The following ETS1 variants were observed in gnomAD, a reference collection of about 807,000 sequenced individuals.
ETS1 encodes the protein ETS proto-oncogene 1, transcription factor, also known as protein C-ets-1.
In ETS1, 15 loss-of-function variants were observed where a neutral mutation model predicts 58.6. That is an observed-to-expected ratio of 0.26 (90% confidence interval 0.17 to 0.39). The LOEUF (loss-of-function observed/expected upper bound fraction) is 0.39. Among genes scored for constraint, ETS1 ranks in the 10% least tolerant of loss-of-function variants. ETS1 has a pLI of 1.00. For synonymous variants in ETS1, 214 were observed against 218.2 expected (o/e 0.98, Z 0.17); for missense variants, 417 against 610.5 (o/e 0.68, Z 3.34).
At chr11:128,513,294 A>T (rs1314390261) in intron 3 of ETS1, among the ~76,000 whole-genome samples, 1 of 152,234 alleles carries the variant, frequency 6.6e-6, no homozygotes, top group Non-Finnish European at 1.5e-5. Context: ...ACCTAAAGTC[A>T]TAAGATGTCA....
intron 5 of ETS1, among the ~76,000 whole-genome samples, chr11:128,487,098 G>A (rs143433527): frequency 3.2e-4 from 48 of 152,242 alleles, no homozygotes; most frequent in African/African-American, 1.0e-3. Flanking sequence ...AAACATCCCC[G>A]TACCTTTCAC....
chr11:128,563,327 C>T (rs1403412130), intron 2 of ETS1, among the ~76,000 whole-genome samples: 2 of 152,164 alleles, frequency 1.3e-5, no homozygotes, highest in African/African-American at 4.8e-5. Context: ...TGGATGGGCA[C>T]TATGATTTGC....
At chr11:128,534,527 C>T (rs921620410) in intron 3 of ETS1, among the ~76,000 whole-genome samples, 14 of 152,158 alleles carry the variant, frequency 9.2e-5, no homozygotes, top group Non-Finnish European at 1.9e-4. Context: ...AGCCCATCAC[C>T]TAGGTATTAA....
chr11:128,585,537 C>G (rs1436659509), intron 1 of ETS1, among the ~76,000 whole-genome samples: 1 of 152,166 alleles, frequency 6.6e-6, no homozygotes, highest in Non-Finnish European at 1.5e-5. Flanking sequence ...TTCACCAGTG[C>G]AATCAAAGAG....
At chr11:128,583,951 C>T (rs1336007720) in intron 1 of ETS1, among the ~76,000 whole-genome samples, 1 of 152,124 alleles carries the variant, frequency 6.6e-6, no homozygotes, top group East Asian at 1.9e-4. Flanking sequence ...TACCTGAACT[C>T]CCAAAGCATG....
At chr11:128,568,596 C>T (rs1864556370) in intron 2 of ETS1, among the ~76,000 whole-genome samples, 1 of 152,186 alleles carries the variant, frequency 6.6e-6, no homozygotes, top group African/African-American at 2.4e-5. Flanking sequence ...TTCATTATGG[C>T]CTCCTGAAGG....
intron 3 of ETS1, among the ~76,000 whole-genome samples, chr11:128,525,453 A>C (rs1158857122): frequency 6.6e-6 from 1 of 152,262 alleles, no homozygotes; most frequent in African/African-American, 2.4e-5. Context: ...CTAGCATGTT[A>C]TCTACTCCTG....
intron 3 of ETS1, among the ~76,000 whole-genome samples, chr11:128,538,491 TAC>T (rs1864003970): frequency 6.6e-6 from 1 of 152,180 alleles, no homozygotes; most frequent in South Asian, 2.1e-4. Context: ...CATACCAGGC[TAC>T]AGAGTCAGGC....
intron 3 of ETS1, among the ~76,000 whole-genome samples, chr11:128,507,170 G>A (rs1283455968): frequency 1.3e-5 from 2 of 152,096 alleles, no homozygotes; most frequent in Admixed American, 6.5e-5. Context: ...TTTGGCCCCT[G>A]GAATGCCCCA....
intron 3 of ETS1, among the ~76,000 whole-genome samples, chr11:128,529,641 C>T (rs1214032069): frequency 6.6e-6 from 1 of 152,164 alleles, no homozygotes; most frequent in Admixed American, 6.5e-5. Flanking sequence ...CATTATTTTA[C>T]ATCACTTCTT....
intron 8 of ETS1, among the ~76,000 whole-genome samples, chr11:128,470,320 A>T (rs1287942686): frequency 2.0e-5 from 3 of 152,220 alleles, no homozygotes; most frequent in Non-Finnish European, 4.4e-5. Flanking sequence ...ATAAAATTAA[A>T]ATATATGATG....
At chr11:128,528,696 C>T (rs1359852045) in intron 3 of ETS1, among the ~76,000 whole-genome samples, 1 of 152,136 alleles carries the variant, frequency 6.6e-6, no homozygotes, top group African/African-American at 2.4e-5. Context: ...AAAAATGAAG[C>T]TCAGATACCA....
At position 128,461,330 on chromosome 11, in the gene ETS1, C is replaced by G. The variant is rs777314406; in HGVS notation, c.*1031G>C. 1 of 152,664 alleles carries G rather than the reference C, an allele frequency of 6.6e-6. No individual in the cohort carries two copies. Among genetic ancestry groups the G allele is most frequent in the Non-Finnish European group, 1.5e-5 (1 of 68,034 alleles). 9.5% of individuals were successfully genotyped at this position (152,664 alleles called of 1,614,324 possible). ...TACAGATATAGGACTAAGAAAGAAC[C>G]AAGTCAATCTTCCTCCTTCGATCTC... On this transcript the variant is annotated 3_prime_UTR_variant, in exon 10 of 10. Transcript: ENST00000392668.
intron 7 of ETS1, among the ~76,000 whole-genome samples, chr11:128,483,034 A>G (rs1481059714): frequency 1.3e-5 from 2 of 152,208 alleles, no homozygotes; most frequent in African/African-American, 4.8e-5. Context: ...TTCGGTCTAG[A>G]CCAATCACAG....
chr11:128,558,649 C>CAA (rs201114905), intron 2 of ETS1, among the ~76,000 whole-genome samples: 423 of 103,200 alleles, frequency 4.1e-3, no homozygotes, highest in Non-Finnish European at 6.5e-3. Context: ...ATATCCATCC[C>CAA]AAAAAAAAAA....
chr11:128,543,743 C>T (rs1051767927), intron 3 of ETS1, among the ~76,000 whole-genome samples: 3 of 152,118 alleles, frequency 2.0e-5, no homozygotes, highest in African/African-American at 7.2e-5. Context: ...CTTACGTGAT[C>T]GAACCAGAAG....
In ETS1 at chr11:128,549,273, G is replaced by T. The variant is rs1447530924; in HGVS notation, c.214+7018C>A. Among the ~76,000 whole-genome samples, 3 of 117,146 alleles carry T rather than the reference G, an allele frequency of 2.6e-5. No homozygotes were observed. Among genetic ancestry groups the T allele is most frequent in the Non-Finnish European group, 1.8e-5 (1 of 56,214 alleles). The allele number at this position is 117,146 out of a possible 152,430, so 76.9% of individuals were successfully genotyped here. ...CACTCTCACGCGCCCCTCGCCCCTC[G>T]CCCCTCGCCCCTCGCCCCTCTCCTG... On this transcript the variant is annotated intron_variant, in intron 3 of 9. Transcript: ENST00000392668. The surrounding 1 kb of genome is among the most constrained non-coding windows in gnomAD (Gnocchi z 4.3).
intron 7 of ETS1, among the ~76,000 whole-genome samples, chr11:128,481,191 T>G (rs1216322323): frequency 6.6e-6 from 1 of 152,212 alleles, no homozygotes; most frequent in Non-Finnish European, 1.5e-5. Flanking sequence ...TACTTGAAAT[T>G]TAAACTTCAT....
chr11:128,470,463 A>T (rs1183899386), intron 8 of ETS1, among the ~76,000 whole-genome samples: 1 of 152,174 alleles, frequency 6.6e-6, no homozygotes, highest in South Asian at 2.1e-4. Flanking sequence ...CCTAAAATGG[A>T]AATAGTAATC....
Sources: gnomAD v4.1 joint callset for allele counts (sites outside exome capture counted in the v4.1 genomes callset) on GRCh38, gnomAD v4.1.1 for gene constraint, Gnocchi (gnomAD v3.1) non-coding constraint, MANE v1.5 for transcripts, NCBI Gene and HGNC (gene_info 2026-07-23, HGNC 2026-07-21) for gene names.